Variants in SP4 observed in about 807,000 individuals in gnomAD.
The protein encoded by SP4 is transcription factor Sp4.
A neutral mutation model predicts 72.8 loss-of-function variants in SP4; 19 were observed. The observed-to-expected ratio is 0.26, with a 90% CI of 0.18 to 0.38. The LOEUF is 0.38. Among genes scored for constraint, SP4 ranks in the 10% least tolerant of loss-of-function variants. SP4 has a pLI of 1.00. For synonymous variants in SP4, 395 were observed against 333.1 expected (o/e 1.19, Z -2.02); for missense variants, 1,008 against 926.3 (o/e 1.09, Z -1.14).
chr7:21,512,241 A>G lies in SP4; in HGVS notation c.*972A>G, dbSNP rs1336600202. 6.6e-6 allele frequency: 1 copy of G among 152,620 alleles called. No homozygotes were observed. Among genetic ancestry groups the G allele is most frequent in the Non-Finnish European group, 1.5e-5 (1 of 68,034 alleles). The allele number at this position is 152,620 out of a possible 1,614,324, so 9.5% of individuals were successfully genotyped here. A position where few individuals can be genotyped will look rare whatever the true frequency, so the allele number is the denominator to read the frequency against. On this transcript the variant is annotated 3_prime_UTR_variant, in exon 6 of 6. Transcript: ENST00000222584. ...TCTTTATGCTTTGATGTGGTAGCCA[A>G]AGAAAGAATTACACTTTTTTCCAAG...
At position 21,430,010 on chromosome 7, in the gene SP4, A is replaced by G; in HGVS notation, c.845A>G (p.Gln282Arg). The stretch of plus-strand genomic sequence containing the variant: ...GTGGCTGCCGGAGGAGGGACTGGGC[A>G]GGTTGGCCAGCCTGCTGCTACTGCT... Reference protein sequence around the residue: ...NNVAAGGGTGQVGQPAATADS... With the variant: ...NNVAAGGGTGRVGQPAATADS... The change falls in exon 3 of 6, where the codon CAG becomes CGG. Residue 282 changes from glutamine to arginine, a missense_variant. This residue lies in a region of SP4 where 893 missense variants were observed against 743.3 expected (regional missense o/e 1.20). Transcript: ENST00000222584. 1 of 1,614,180 alleles carries G rather than the reference A, an allele frequency of 6.2e-7. No individual in the cohort carries two copies. The highest frequency in any genetic ancestry group is 8.5e-7 in the Non-Finnish European group (1 of 1,180,024).
At chr7:21,487,441 T>C (rs1304634951) in intron 5 of SP4, among the ~76,000 whole-genome samples, 3 of 151,766 alleles carry the variant, frequency 2.0e-5, no homozygotes, top group Non-Finnish European at 2.9e-5. Context: ...TTACAGTTTT[T>C]CTCTTATATC....
intron 5 of SP4, among the ~76,000 whole-genome samples, chr7:21,496,828 A>G (rs1472620907): frequency 2.0e-5 from 3 of 152,204 alleles, no homozygotes; most frequent in African/African-American, 7.2e-5. Context: ...GTCATTTGAC[A>G]TCTCTGCCTT....
chr7:21,477,832 G>A lies in SP4; in HGVS notation c.1907+525G>A, dbSNP rs556008765. ...TGGGATTACAGGTGTGAGCCCCCTC[G>A]CCCAGCCCATTTTTTTTCTTTTTCA... On this transcript the variant is annotated intron_variant, in intron 4 of 5. Transcript: ENST00000222584. Among the ~76,000 whole-genome samples, 32 of 152,114 alleles carry A rather than the reference G, an allele frequency of 2.1e-4. No homozygotes were observed. The Middle Eastern group carries it at 0.014, about 65-fold the overall frequency.
At chr7:21,447,546 C>A (rs911110267) in intron 3 of SP4, among the ~76,000 whole-genome samples, 11 of 152,164 alleles carry the variant, frequency 7.2e-5, no homozygotes, top group Admixed American at 2.0e-4. Context: ...TCCAAGAGGT[C>A]TCATTAGAAC....
Position 21,477,171 on chromosome 7 carries a change from G to A in SP4, c.1771G>A (p.Gly591Ser), listed in dbSNP as rs551716846. Residue 591 changes from glycine to serine, a missense_variant, in exon 4 of 6, where the codon GGT becomes AGT. Coordinates refer to ENST00000222584, the MANE Select transcript of SP4 (RefSeq NM_003112.5). ...AVGGIANATI[G>S]AVSPDQLTQV... ...TGGAGGAATTGCTAATGCCACGATA[G>A]GTGCTGTTAGTCCTGACCAACTCAC... 1 of 1,614,164 alleles carries A rather than the reference G, an allele frequency of 6.2e-7. No individual in the cohort carries two copies. Among genetic ancestry groups the A allele is most frequent in the Non-Finnish European group, 8.5e-7 (1 of 1,179,982 alleles).
At chr7:21,445,416 C>G (rs1783389812) in intron 3 of SP4, among the ~76,000 whole-genome samples, 1 of 152,098 alleles carries the variant, frequency 6.6e-6, no homozygotes, top group Admixed American at 6.6e-5. Context: ...TTAGCTAATC[C>G]TGCATGTAAT....
intron 5 of SP4, among the ~76,000 whole-genome samples, chr7:21,485,278 T>C (rs754411214): frequency 2.0e-5 from 3 of 151,976 alleles, no homozygotes; most frequent in Non-Finnish European, 4.4e-5. Flanking sequence ...GACTTGGCTA[T>C]GAATGAATGG....
intron 5 of SP4, among the ~76,000 whole-genome samples, chr7:21,505,106 G>GATT (rs1244520486): frequency 1.3e-5 from 2 of 152,180 alleles, no homozygotes; most frequent in Non-Finnish European, 2.9e-5. Flanking sequence ...TTAGTAACTT[G>GATT]ATATATAGAG....
intron 1 of SP4, 81 bp from the exon 2 acceptor site, chr7:21,428,596 A>C: frequency 3.2e-6 from 4 of 1,262,560 alleles, no homozygotes; most frequent in Non-Finnish European, 3.3e-6. Context: ...GGGAGGGGGG[A>C]GAAGAGGAGA....
At chr7:21,476,289 A>AAG (rs1784499497) in intron 3 of SP4, among the ~76,000 whole-genome samples, 1 of 151,482 alleles carries the variant, frequency 6.6e-6, no homozygotes, top group African/African-American at 2.4e-5. Flanking sequence ...AAAAAAAAAA[A>AAG]AAAAAAAGCA....
chr7:21,440,444 A>G (rs201018907), intron 3 of SP4, among the ~76,000 whole-genome samples: 2 of 152,188 alleles, frequency 1.3e-5, no homozygotes, highest in African/African-American at 2.4e-5. Flanking sequence ...AGCTTGAGTT[A>G]TATGTCAGAG....
chr7:21,506,353 C>G lies in SP4; in HGVS notation c.2108-4669C>G, dbSNP rs10254858. On this transcript the variant is annotated intron_variant, in intron 5 of 5. Transcript: ENST00000222584. The stretch of plus-strand genomic sequence containing the variant: ...TCTACTCAGAAGGTGCTCCTGCCCC[C>G]GACTAGTCTTCATCAATAGTCATGA... 2.6e-5 allele frequency among the ~76,000 whole-genome samples: 4 copies of G among 152,214 alleles called. No individual in the cohort carries two copies. In the South Asian group the frequency reaches 6.2e-4, roughly 24 times the overall value.
intron 5 of SP4, among the ~76,000 whole-genome samples, chr7:21,504,463 G>A (rs1487065377): frequency 6.6e-6 from 1 of 152,156 alleles, no homozygotes; most frequent in Non-Finnish European, 1.5e-5. Flanking sequence ...CACATAGGGA[G>A]TGTTTATCTC....
At chr7:21,462,027 G>GTT (rs773196151) in intron 3 of SP4, among the ~76,000 whole-genome samples, 2,250 of 132,756 alleles carry the variant, frequency 0.017, 58 homozygotes, top group African/African-American at 0.049. Flanking sequence ...TTTAGTTTTA[G>GTT]TTTTTTTTTT....
At chr7:21,439,324 T>TTAAG (rs1326815856) in intron 3 of SP4, among the ~76,000 whole-genome samples, 1 of 152,200 alleles carries the variant, frequency 6.6e-6, no homozygotes, top group East Asian at 1.9e-4. Context: ...TGCCTTTTTT[T>TTAAG]TTAAGTTATT....
intron 3 of SP4, among the ~76,000 whole-genome samples, chr7:21,444,972 G>T (rs1257009353): frequency 6.6e-6 from 1 of 152,048 alleles, no homozygotes; most frequent in Non-Finnish European, 1.5e-5. Flanking sequence ...TCTTTTGGGG[G>T]TTTGAGGTAC....
chr7:21,461,526 C>T (rs1783983130), intron 3 of SP4, among the ~76,000 whole-genome samples: 1 of 152,200 alleles, frequency 6.6e-6, no homozygotes, highest in Non-Finnish European at 1.5e-5. Flanking sequence ...GCCGGCAGGC[C>T]AGCCGCTCCA....
chr7:21,492,389 C>T (rs936244235), intron 5 of SP4, among the ~76,000 whole-genome samples: 2 of 152,038 alleles, frequency 1.3e-5, no homozygotes, highest in African/African-American at 2.4e-5. Flanking sequence ...TAATTCACAG[C>T]GCTCCAAAAT....
Sources: gnomAD v4.1 joint callset for allele counts (sites outside exome capture counted in the v4.1 genomes callset) on GRCh38, gnomAD v4.1.1 for gene constraint, gnomAD v4.1.1 regional missense constraint, MANE v1.5 for transcripts, NCBI Gene and HGNC (gene_info 2026-07-23, HGNC 2026-07-21) for gene names.